VPS13C: variants seen among roughly 807,000 people sequenced by gnomAD.
VPS13C encodes the protein vacuolar protein sorting 13 homolog C, also known as intermembrane lipid transfer protein VPS13C.
In VPS13C, 358 loss-of-function variants were observed where a neutral mutation model predicts 456.8. The observed-to-expected ratio is 0.78, with a 90% CI of 0.72 to 0.86. VPS13C has a LOEUF of 0.86. VPS13C is among the 40% of genes least tolerant of loss of function. The pLI is 0.00. For missense variants in VPS13C, 4,818 were observed against 4,385.4 expected (o/e 1.10, Z -2.79); for synonymous variants, 1,578 against 1,486.7 (o/e 1.06, Z -1.41).
At chr15:62,002,871 T>C (rs1440003108) in intron 15 of VPS13C, among the ~76,000 whole-genome samples, 3 of 152,190 alleles carry the variant, frequency 2.0e-5, no homozygotes, top group African/African-American at 7.2e-5. Flanking sequence ...TCTGTTCCAT[T>C]GATCTATATC....
intron 15 of VPS13C, among the ~76,000 whole-genome samples, chr15:62,005,232 G>A (rs377732043): frequency 1.3e-5 from 2 of 152,120 alleles, no homozygotes; most frequent in African/African-American, 2.4e-5. Context: ...ATATTTAGGA[G>A]AGTTAGCTCT....
At chr15:62,059,782 TAA>T (rs1455078450) in intron 1 of VPS13C, among the ~76,000 whole-genome samples, 1 of 152,230 alleles carries the variant, frequency 6.6e-6, no homozygotes, top group Non-Finnish European at 1.5e-5. Flanking sequence ...CCGGTAATCC[TAA>T]AGAGAAGGAA....
chr15:62,004,865 A>T, intron 15 of VPS13C, among the ~76,000 whole-genome samples: 1 of 152,008 alleles, frequency 6.6e-6, no homozygotes, highest in Non-Finnish European at 1.5e-5. Context: ...TTCTAGTTTG[A>T]TTGCCCTGTG....
In VPS13C at chr15:61,969,292, G is replaced by GTAT; in HGVS notation, c.2911+4_2911+6dup. 6.3e-7 allele frequency: 1 copy of GTAT among 1,575,318 alleles called. No homozygotes were observed. Among genetic ancestry groups the GTAT allele is most frequent in the Non-Finnish European group, 8.6e-7 (1 of 1,158,008 alleles). On this transcript the variant is annotated splice_region_variant and intron_variant, in intron 28 of 84. Coordinates refer to ENST00000644861, the MANE Select transcript of VPS13C (RefSeq NM_020821.3). ...TAGGCTATTATTTCTATTTTTATGG[G>GTAT]TATTACCTTCAATTTCATGATAATC...
chr15:62,054,106 G>A (rs759013188), intron 1 of VPS13C, among the ~76,000 whole-genome samples: 13 of 152,158 alleles, frequency 8.5e-5, no homozygotes, highest in Non-Finnish European at 1.8e-4. Context: ...AAATCATATT[G>A]CAAAAGATGA....
chr15:61,945,818 T>C lies in VPS13C; in HGVS notation c.5045A>G (p.Glu1682Gly). 6.2e-7 allele frequency: 1 copy of C among 1,613,364 alleles called. No homozygotes were observed. Among genetic ancestry groups the C allele is most frequent in the Non-Finnish European group, 8.5e-7 (1 of 1,179,716 alleles). Residue 1682 changes from glutamate (E) to glycine (G), a missense_variant, in exon 45 of 85, where the codon GAA (glutamate) becomes GGA (glycine). By Grantham distance (98) the Glu-to-Gly change is moderately conservative. Transcript: ENST00000644861. ...FQLTLYPDAT[E>G]GEAYADMSKV... The stretch of plus-strand genomic sequence containing the variant: ...GGACATATCAGCATAGGCCTCTCCT[T>C]CTGTGGCATCTGGATAAAGAGTCAG...
chr15:61,942,017 T>A lies in VPS13C; in HGVS notation c.5199A>T (p.Thr1733=), dbSNP rs756675116. 6.8e-6 allele frequency: 11 copies of A among 1,613,030 alleles called. No homozygotes were observed. The Admixed American group carries it at 1.8e-4, about 27-fold the overall frequency. The stretch of plus-strand genomic sequence containing the variant: ...AAGCAGCTCTTTCTGCAGCCTGGAC[T>A]GTGGCTGTACTCAAAGCTTCTTTAG... ...QTAKEALSTA[T]VQAAERAASS... is the part of the protein sequence containing the mutation. The change falls in exon 46 of 85, where the codon ACA becomes ACT. Residue 1733 remains threonine, a synonymous_variant. Transcript: ENST00000644861.
chr15:62,051,449 T>A (rs1029972551), intron 1 of VPS13C, among the ~76,000 whole-genome samples: 1 of 152,224 alleles, frequency 6.6e-6, no homozygotes, highest in African/African-American at 2.4e-5. Flanking sequence ...AGCCCAAGAA[T>A]CCTATGGCAA....
intron 29 of VPS13C, 137 bp downstream of exon 29, chr15:61,967,231 A>G (rs2045404847): frequency 2.8e-6 from 2 of 717,068 alleles, no homozygotes; most frequent in Admixed American, 3.2e-5. Context: ...TGTACAAATG[A>G]AAAAAGAAAC....
At chr15:61,997,926 CCTA>C (rs1486096610) in intron 16 of VPS13C, among the ~76,000 whole-genome samples, 1 of 152,182 alleles carries the variant, frequency 6.6e-6, no homozygotes, top group Non-Finnish European at 1.5e-5. Flanking sequence ...TGTTTCAAAA[CCTA>C]CTATTAGTTT....
At chr15:61,963,777 A>G in intron 32 of VPS13C, 58 bp downstream of exon 32, 3 of 1,267,200 alleles carry the variant, frequency 2.4e-6, no homozygotes, top group Admixed American at 3.5e-5. Flanking sequence ...TTGCAAAGAG[A>G]CAAAAAGAAG....
At chr15:61,871,952 T>G in intron 79 of VPS13C, 37 bp downstream of exon 79, 1 of 1,587,260 alleles carries the variant, frequency 6.3e-7, no homozygotes, top group Non-Finnish European at 8.6e-7. Flanking sequence ...CATCAAGTCT[T>G]CAGACTTTGT....
At chr15:61,995,463 G>A (rs28675743) in intron 16 of VPS13C, among the ~76,000 whole-genome samples, 14,826 of 152,120 alleles carry the variant, frequency 0.097, 1,287 homozygotes, top group African/African-American at 0.23. Flanking sequence ...AAACAATAAA[G>A]TATGGCAAAG....
rs550123411 is a variant in VPS13C at position 61,869,509 on chromosome 15, C to G, written c.10739G>C (p.Gly3580Ala). Reference protein sequence around the residue: ...IVDMASSTFQGIQRAAESTEE... With the variant: ...IVDMASSTFQAIQRAAESTEE... ...GTATGTACTCAATTACCTCTGAATGCCTTGGAAGGTACTACTGGCCATATC... is the reference window on the plus strand; with the variant it reads ...GTATGTACTCAATTACCTCTGAATGGCTTGGAAGGTACTACTGGCCATATC... Residue 3580 changes from glycine (G) to alanine (A), a missense_variant, in exon 80 of 85, where the codon GGC becomes GCC. By Grantham distance (60) the Gly-to-Ala change is moderately conservative. Transcript: ENST00000644861. The G allele has an allele frequency of 5.2e-5, 84 of 1,614,118 alleles. 1 individual carries two copies. In the South Asian group the frequency reaches 5.6e-4, roughly 11 times the overall value.
chr15:61,910,518 G>A (rs1299751865), intron 63 of VPS13C, among the ~76,000 whole-genome samples: 1 of 152,044 alleles, frequency 6.6e-6, no homozygotes, highest in Non-Finnish European at 1.5e-5. Flanking sequence ...AGATATATTA[G>A]TCTATATGTA....
At chr15:61,865,799 TG>T (rs1345137963) in intron 81 of VPS13C, 14 of 801,796 alleles carry the variant, frequency 1.7e-5, no homozygotes, top group African/African-American at 1.9e-5. Context: ...TATATGTGTG[TG>T]TGTATATATA....
chr15:62,030,262 A>C (rs2047768559), intron 5 of VPS13C, among the ~76,000 whole-genome samples: 1 of 152,168 alleles, frequency 6.6e-6, no homozygotes, highest in African/African-American at 2.4e-5. Context: ...TTGTATAAGA[A>C]AGGAAATATA....
Position 61,867,699 on chromosome 15 carries a change from C to A in VPS13C, c.10863+960G>T. On this transcript the variant is annotated intron_variant, in intron 81 of 84. Transcript: ENST00000644861. The surrounding 1 kb of genome is among the most constrained non-coding windows in gnomAD (Gnocchi z 5.0). Reference sequence around the variant, plus strand: ...AACGCAGAAGAGAGCTGATTCTCTGCATCCTTTAATATTTTATACTAATCT... The same window carrying A: ...AACGCAGAAGAGAGCTGATTCTCTGAATCCTTTAATATTTTATACTAATCT... 2 of 1,337,522 alleles carry A rather than the reference C, an allele frequency of 1.5e-6. No individual in the cohort carries two copies. Among genetic ancestry groups the A allele is most frequent in the East Asian group, 3.2e-5 (1 of 31,402 alleles). 82.9% of individuals were successfully genotyped at this position (1,337,522 alleles called of 1,614,324 possible).
intron 22 of VPS13C, among the ~76,000 whole-genome samples, chr15:61,980,406 G>A (rs991862929): frequency 3.3e-5 from 5 of 152,082 alleles, no homozygotes; most frequent in African/African-American, 1.2e-4. Flanking sequence ...CCCAAAGAAC[G>A]ATAGCATCCG....
Sources: allele counts gnomAD v4.1 joint callset (sites outside exome capture counted in the v4.1 genomes callset), GRCh38; gene constraint gnomAD v4.1.1; non-coding constraint Gnocchi (gnomAD v3.1); transcripts MANE v1.5; gene names NCBI Gene and HGNC (gene_info 2026-07-23, HGNC 2026-07-21).